Variants in DRC9 observed in about 807,000 individuals in gnomAD.
DRC9 encodes dynein regulatory complex subunit 9.
chr3:197,915,603 C>T, the DRC9 span, among the ~76,000 whole-genome samples: 1 of 152,142 alleles, frequency 6.6e-6, no homozygotes, highest in Non-Finnish European at 1.5e-5. Context: ...GAGACCTGCT[C>T]CTCTAGATAC....
chr3:197,948,602 T>G, the DRC9 span, among the ~76,000 whole-genome samples: 1 of 152,234 alleles, frequency 6.6e-6, no homozygotes, highest in Non-Finnish European at 1.5e-5. Flanking sequence ...ATATAGAACT[T>G]TGACAAATCA....
the DRC9 span, among the ~76,000 whole-genome samples, chr3:197,930,067 T>A: frequency 6.6e-6 from 1 of 151,704 alleles, no homozygotes; most frequent in African/African-American, 2.4e-5. Flanking sequence ...TAGAAATATA[T>A]GAGAAGGCCA....
At chr3:197,910,234 A>G in the DRC9 span, among the ~76,000 whole-genome samples, 1 of 152,166 alleles carries the variant, frequency 6.6e-6, no homozygotes, top group Non-Finnish European at 1.5e-5. Context: ...CAGGAGTTTG[A>G]GGCTGCAGTG....
the DRC9 span, among the ~76,000 whole-genome samples, chr3:197,933,573 A>G: frequency 1.3e-5 from 2 of 152,206 alleles, no homozygotes; most frequent in African/African-American, 2.4e-5. Context: ...TAAAATAATG[A>G]ATATTTATGT....
the DRC9 span, among the ~76,000 whole-genome samples, chr3:197,890,201 G>A: frequency 6.6e-6 from 1 of 152,016 alleles, no homozygotes; most frequent in African/African-American, 2.4e-5. Context: ...TTTGAGACCA[G>A]CCTGGGCAAC....
the DRC9 span, among the ~76,000 whole-genome samples, chr3:197,903,999 TATAC>T: frequency 4.5e-5 from 6 of 132,438 alleles, no homozygotes; most frequent in Non-Finnish European, 9.5e-5. Context: ...CACATATATA[TATAC>T]ATACATATAT....
the DRC9 span, among the ~76,000 whole-genome samples, chr3:197,939,284 T>C: frequency 1.3e-5 from 2 of 152,172 alleles, no homozygotes; most frequent in African/African-American, 2.4e-5. Flanking sequence ...CTTGAACATA[T>C]GAACTTGAAA....
At chr3:197,931,920 C>T in the DRC9 span, among the ~76,000 whole-genome samples, 1 of 152,036 alleles carries the variant, frequency 6.6e-6, no homozygotes, top group African/African-American at 2.4e-5. Context: ...CCACCGCGCC[C>T]GGCCGAATTC....
chr3:197,958,110 C>CAGCCTGTAGTG, the DRC9 span: 2 of 152,144 alleles, frequency 1.3e-5, no homozygotes, highest in African/African-American at 4.8e-5. Flanking sequence ...TTCTGTTGCC[C>CAGCCTGTAGTG]AGCCTGTAGT....
the DRC9 span, among the ~76,000 whole-genome samples, chr3:197,922,723 A>AATAAATAG: frequency 2.0e-5 from 3 of 150,976 alleles, no homozygotes; most frequent in Non-Finnish European, 4.4e-5. Flanking sequence ...AAAATAAATA[A>AATAAATAG]ATAAATAAAT....
chr3:197,959,764 T>G, the DRC9 span: 3 of 156,478 alleles, frequency 1.9e-5, no homozygotes, highest in South Asian at 5.5e-4. Context: ...GTATCATAGA[T>G]TTTTATAGGA....
chr3:197,942,385 C>CAAAAAAAAAAAA, the DRC9 span, among the ~76,000 whole-genome samples: 2 of 17,066 alleles, frequency 1.2e-4, no homozygotes, highest in Non-Finnish European at 1.4e-4. Flanking sequence ...CTCCGTCTCA[C>CAAAAAAAAAAAA]AAAAAAAAAA....
At chr3:197,952,780 A>T in the DRC9 span, among the ~76,000 whole-genome samples, 74 of 151,270 alleles carry the variant, frequency 4.9e-4, no homozygotes, top group South Asian at 2.5e-3. Flanking sequence ...AGCGCAAGTC[A>T]CTGCACCAGG....
chr3:197,960,165 T>C, the DRC9 span: 38 of 1,471,920 alleles, frequency 2.6e-5, no homozygotes, highest in Non-Finnish European at 3.3e-5. Context: ...GGGCCCTCCG[T>C]CTACCCCCAG....
the DRC9 span, among the ~76,000 whole-genome samples, chr3:197,930,303 A>G: frequency 6.6e-6 from 1 of 152,186 alleles, no homozygotes; most frequent in Non-Finnish European, 1.5e-5. Context: ...AGCCAAGATC[A>G]TGCCACTGCA....
the DRC9 span, among the ~76,000 whole-genome samples, chr3:197,922,019 C>T: frequency 8.9e-5 from 10 of 112,906 alleles, no homozygotes; most frequent in East Asian, 4.3e-4. Context: ...TTGGTCGACC[C>T]GACTACTGGT....
the DRC9 span, among the ~76,000 whole-genome samples, chr3:197,948,362 G>A: frequency 6.6e-6 from 1 of 152,166 alleles, no homozygotes; most frequent in African/African-American, 2.4e-5. Flanking sequence ...TCAGGCTTCT[G>A]GGCACTCATG....
At chr3:197,930,041 C>G in the DRC9 span, among the ~76,000 whole-genome samples, 28 of 151,974 alleles carry the variant, frequency 1.8e-4, no homozygotes, top group Non-Finnish European at 3.4e-4. Context: ...AAAAAGACAA[C>G]TATAATTAAT....
chr3:197,954,403 A>C, the DRC9 span: 33 of 519,248 alleles, frequency 6.4e-5, no homozygotes, highest in Non-Finnish European at 1.1e-4. Context: ...GCATAATCAC[A>C]GCTTATTGCA....
Sources: gnomAD v4.1 joint callset for allele counts (sites outside exome capture counted in the v4.1 genomes callset) on GRCh38, gnomAD v4.1.1 for gene constraint, MANE v1.5 for transcripts, NCBI Gene and HGNC (gene_info 2026-07-23, HGNC 2026-07-21) for gene names.